HIVEP1: variants seen among roughly 807,000 people sequenced by gnomAD.
HIVEP1 encodes HIVEP zinc finger 1.
HIVEP1 carries 36 observed loss-of-function variants against 180.0 expected under a neutral mutation model. The ratio of observed to expected loss-of-function variants is 0.20; its 90% CI spans 0.15 to 0.26. HIVEP1 has a LOEUF of 0.26. HIVEP1 is among the 10% of genes least tolerant of loss of function. The pLI, the probability that HIVEP1 is intolerant of heterozygous loss-of-function variation, is 1.00. For synonymous variants in HIVEP1, 1,239 were observed against 1,239.0 expected, an observed-to-expected ratio of 1.00 and a Z score of 0.00; for missense variants, 3,143 against 3,268.7, an observed-to-expected ratio of 0.96 and a Z score of 0.94.
the HIVEP1 span, among the ~76,000 whole-genome samples, chr6:12,185,269 G>A: frequency 1.1e-4 from 17 of 152,240 alleles, no homozygotes; most frequent in Non-Finnish European, 2.1e-4. Context: ...CAGTGGTCTT[G>A]CTGGGTGGAG....
intron 2 of HIVEP1, among the ~76,000 whole-genome samples, chr6:12,031,529 TTAAC>T (rs1768938947): frequency 6.6e-6 from 1 of 152,200 alleles, no homozygotes; most frequent in Non-Finnish European, 1.5e-5. Context: ...GATTGCCAGT[TTAAC>T]TGACTGTGCT....
chr6:12,164,090 A>C lies in HIVEP1; in HGVS notation c.7786A>C (p.Arg2596=), dbSNP rs1760592692. 6.2e-7 allele frequency: 1 copy of C among 1,614,106 alleles called. No individual in the cohort carries two copies. The highest frequency in any genetic ancestry group is 1.1e-5 in the South Asian group (1 of 91,088). The change falls in exon 9 of 9, where the codon AGG becomes CGG. Residue 2596 remains arginine (R), a synonymous_variant. Transcript: ENST00000379388. ...TGTAGCCAGCGCAAACCAGGTCAGCAGGACCGAGTCTCCTCAGGGGTTACC... is the reference window on the plus strand; with the variant it reads ...TGTAGCCAGCGCAAACCAGGTCAGCCGGACCGAGTCTCCTCAGGGGTTACC... ...TSVASANQVS[R]TESPQGLPTV... is the part of the protein sequence containing the mutation.
rs1156989597 is a variant in HIVEP1, at chr6:12,164,486, T to C, written c.*25T>C. 2.6e-6 allele frequency: 4 copies of C among 1,538,792 alleles called. No homozygotes were observed. The highest frequency in any genetic ancestry group is 3.5e-6 in the Non-Finnish European group (4 of 1,140,398). ...ATGGATTTTATTTTTTATTTGCTTT[T>C]TTTTTATATAACACTTAAAGGTTTC... On this transcript the variant is annotated 3_prime_UTR_variant, in exon 9 of 9. Coordinates refer to ENST00000379388, the MANE Select transcript of HIVEP1 (RefSeq NM_002114.4).
chr6:12,111,051 CACA>C (rs1452488466), intron 3 of HIVEP1, among the ~76,000 whole-genome samples: 2 of 152,182 alleles, frequency 1.3e-5, no homozygotes, highest in African/African-American at 2.4e-5. Context: ...AGAACACACA[CACA>C]ACATTTATTA....
chr6:12,068,800 A>T (rs562969545), intron 2 of HIVEP1, among the ~76,000 whole-genome samples: 1 of 152,316 alleles, frequency 6.6e-6, no homozygotes, highest in South Asian at 2.1e-4. Flanking sequence ...ATACCTGTGT[A>T]TTTAAATGAG....
chr6:12,089,229 C>A lies in HIVEP1; in HGVS notation c.86C>A (p.Ser29Ter). The A allele has an allele frequency of 6.4e-7, 1 of 1,558,400 alleles. No homozygotes were observed. The highest frequency in any genetic ancestry group is 8.8e-7 in the Non-Finnish European group (1 of 1,135,468). The change falls in exon 3 of 9, where the codon TCA becomes TAA. Residue 29 changes from serine to a stop codon, truncating the protein, a stop_gained. Transcript: ENST00000379388. LOFTEE classifies it high-confidence loss of function. The stretch of plus-strand genomic sequence containing the variant: ...AAAGAACTTAATGGGGCAGAAGTTT[C>A]AAAAAAAGGTAAATTAAAATCAGCT... ...AQKELNGAEVSKKEILQAGVK... is the reference protein window; with the variant it reads ...AQKELNGAEV
chr6:12,113,059 T>TACA (rs2113467947), intron 3 of HIVEP1, among the ~76,000 whole-genome samples: 1 of 151,960 alleles, frequency 6.6e-6, no homozygotes, highest in South Asian at 2.1e-4. Context: ...CTTACACGCT[T>TACA]GGGGCACTTC....
chr6:12,158,593 A>G (rs760808474), intron 7 of HIVEP1, among the ~76,000 whole-genome samples: 1 of 152,142 alleles, frequency 6.6e-6, no homozygotes, highest in African/African-American at 2.4e-5. Context: ...ATTGAGTTAC[A>G]GTCTCGTACC....
chr6:12,018,956 C>G lies in HIVEP1; in HGVS notation c.40+3288C>G, dbSNP rs77340802. ...AGAGTTAAAAGTTTTAATAAGAAAACTTGCTTCTTTAAGATATTTTTAAAG... is the reference window on the plus strand; with the variant it reads ...AGAGTTAAAAGTTTTAATAAGAAAAGTTGCTTCTTTAAGATATTTTTAAAG... On this transcript the variant is annotated intron_variant, in intron 2 of 8. Coordinates refer to ENST00000379388, the MANE Select transcript of HIVEP1 (RefSeq NM_002114.4). Among the ~76,000 whole-genome samples the G allele has an allele frequency of 6.4e-3, 974 of 152,266 alleles. 16 individuals carry two copies. Among genetic ancestry groups the G allele is most frequent in the African/African-American group, 0.022 (930 of 41,536 alleles).
chr6:12,121,758 TC>T lies in HIVEP1; in HGVS notation c.1966del (p.Gln656LysfsTer8). 6.2e-7 allele frequency: 1 copy of T among 1,614,116 alleles called. No homozygotes were observed. ...ACAAAGGCAGCAGGCTACCGATTAC[TC>T]CCAAGAGCAGCAAGGAAAGCTCCTG... ...QLQRQQATDY[S>X]QEQQGKLLSP... On this transcript the variant is annotated frameshift_variant, in exon 4 of 9. Transcript: ENST00000379388. LOFTEE classifies it high-confidence loss of function. This position sits in a 1 kb window ranked among gnomAD's most constrained non-coding sequence, Gnocchi z 5.3.
intron 2 of HIVEP1, among the ~76,000 whole-genome samples, chr6:12,074,135 C>T (rs1181993593): frequency 6.6e-6 from 1 of 152,106 alleles, no homozygotes; most frequent in African/African-American, 2.4e-5. Context: ...TTTTCATCTC[C>T]ACTAAAGCTT....
intron 3 of HIVEP1, among the ~76,000 whole-genome samples, chr6:12,104,158 A>G (rs115177057): frequency 0.011 from 1,607 of 152,040 alleles, 30 homozygotes; most frequent in African/African-American, 0.036. Flanking sequence ...ATTTCTCTAT[A>G]TTTGTCTTGC....
the HIVEP1 span, among the ~76,000 whole-genome samples, chr6:12,172,203 T>C: frequency 6.6e-6 from 1 of 152,186 alleles, no homozygotes; most frequent in African/African-American, 2.4e-5. Flanking sequence ...ATTACTTTGC[T>C]TTTGTTCTCT....
At chr6:12,129,945 T>G in intron 5 of HIVEP1, 53 bp downstream of exon 5, 2 of 1,261,036 alleles carry the variant, frequency 1.6e-6, no homozygotes, top group Non-Finnish European at 2.3e-6. Flanking sequence ...TTTTTAAATG[T>G]ACATTTGCTT....
intron 2 of HIVEP1, among the ~76,000 whole-genome samples, chr6:12,064,927 C>A (rs1771469188): frequency 6.6e-6 from 1 of 152,184 alleles, no homozygotes; most frequent in South Asian, 2.1e-4. Flanking sequence ...GTGAATCCAG[C>A]CATATTGAGC....
chr6:12,019,962 A>G (rs1768079239), intron 2 of HIVEP1, among the ~76,000 whole-genome samples: 1 of 152,266 alleles, frequency 6.6e-6, no homozygotes, highest in Admixed American at 6.5e-5. Context: ...GGAAGAGTAT[A>G]GAAAGTTTGC....
intron 3 of HIVEP1, among the ~76,000 whole-genome samples, chr6:12,089,522 C>A (rs183365748): frequency 6.6e-6 from 1 of 151,864 alleles, no homozygotes; most frequent in Non-Finnish European, 1.5e-5. Flanking sequence ...TGTCCTGTAG[C>A]AATAAAAGTA....
rs529316448 is a variant in HIVEP1, at chr6:12,074,672, T to C, written c.41-14512T>C. On this transcript the variant is annotated intron_variant, in intron 2 of 8. Transcript: ENST00000379388. ...CGCGCGTGCATGTCCTTGTCTCTCT[T>C]TCTGAGAGAGGCTGTACGCTGGTCA... 5.9e-4 allele frequency among the ~76,000 whole-genome samples: 75 copies of C among 127,940 alleles called. 2 individuals carry two copies. In the South Asian group the frequency reaches 0.018, roughly 31 times the overall value. The allele number at this position is 127,940 out of a possible 152,430, so 83.9% of individuals were successfully genotyped here. A position where few individuals can be genotyped will look rare whatever the true frequency, so the allele number is the denominator to read the frequency against.
chr6:12,141,850 T>C (rs2113614297), intron 7 of HIVEP1, among the ~76,000 whole-genome samples: 1 of 152,106 alleles, frequency 6.6e-6, no homozygotes, highest in Non-Finnish European at 1.5e-5. Flanking sequence ...TAAATATATA[T>C]GCACCCAATA....
Sources: gnomAD v4.1 joint callset for allele counts (sites outside exome capture counted in the v4.1 genomes callset) on GRCh38, gnomAD v4.1.1 for gene constraint, Gnocchi (gnomAD v3.1) non-coding constraint, MANE v1.5 for transcripts, NCBI Gene and HGNC (gene_info 2026-07-23, HGNC 2026-07-21) for gene names.